CASD1: variants seen among roughly 807,000 people sequenced by gnomAD.
CASD1 encodes CAS1 domain sialic acid O acetyltransferase 1.
A neutral mutation model predicts 100.0 loss-of-function variants in CASD1; 41 were observed. The ratio of observed to expected loss-of-function variants is 0.41; its 90% CI spans 0.32 to 0.53. The LOEUF is 0.53. Among genes scored for constraint, CASD1 ranks in the 20% least tolerant of loss-of-function variants. The probability of loss-of-function intolerance (pLI) is 0.25; values close to 1 mark genes in which losing one functional copy is unlikely to be tolerated. For synonymous variants in CASD1, 321 were observed against 315.6 expected (o/e 1.02, Z -0.18); for missense variants, 774 against 948.7 (o/e 0.82, Z 2.42).
chr7:94,600,724 G>T, the CASD1 span: 6 of 1,613,828 alleles, frequency 3.7e-6, 1 homozygote, highest in Non-Finnish European at 5.1e-6. Context: ...CACAGCCAGT[G>T]TAATTAGGAA....
the CASD1 span, among the ~76,000 whole-genome samples, chr7:94,609,833 A>G: frequency 6.6e-6 from 1 of 152,314 alleles, no homozygotes; most frequent in Admixed American, 6.5e-5. Context: ...CTTTTACCAT[A>G]TGATCCAGCT....
At chr7:94,511,905 G>A (rs367981098) in intron 1 of CASD1, among the ~76,000 whole-genome samples, 24 of 152,234 alleles carry the variant, frequency 1.6e-4, no homozygotes, top group African/African-American at 5.8e-4. Context: ...TAGCAATCTG[G>A]GATTGTTTAT....
rs1339395996 is a variant in CASD1 at position 94,533,116 on chromosome 7, AC to A, written c.460-88del. The A allele has an allele frequency of 3.6e-6, 3 of 835,410 alleles. No homozygotes were observed. In the East Asian group the frequency reaches 7.9e-5, roughly 22 times the overall value. 51.7% of individuals were successfully genotyped at this position (835,410 alleles called of 1,614,324 possible). ...AGAATGAATTTAGAAGGAAGAACTT[AC>A]ATTTTAAGGAAAAAAATTAAATGAT... is the stretch of plus-strand genomic sequence containing the variant. On this transcript the variant is annotated intron_variant, in intron 5 of 17. Coordinates refer to ENST00000297273, the MANE Select transcript of CASD1 (RefSeq NM_022900.5).
chr7:94,537,578 C>T lies in CASD1; in HGVS notation c.950C>T (p.Ala317Val). Residue 317 changes from alanine (A) to valine (V), a missense_variant, in exon 9 of 18, where the codon GCT becomes GTT. This residue lies in a region of CASD1 where 453 missense variants were observed against 532.6 expected (regional missense o/e 0.85). Coordinates refer to ENST00000297273, the MANE Select transcript of CASD1 (RefSeq NM_022900.5). ...GTTACTCTCATACAGAAGCTAGCTG[C>T]TTGTTTTTTCACTTTATCTATTATC... Reference protein sequence around the residue: ...PPVTLIQKLAACFFTLSIIGY... With the variant: ...PPVTLIQKLAVCFFTLSIIGY... The T allele has an allele frequency of 6.2e-7, 1 of 1,613,816 alleles. No individual in the cohort carries two copies. Among genetic ancestry groups the T allele is most frequent in the Non-Finnish European group, 8.5e-7 (1 of 1,179,834 alleles).
chr7:94,611,546 T>C, the CASD1 span, among the ~76,000 whole-genome samples: 1 of 152,108 alleles, frequency 6.6e-6, no homozygotes, highest in Admixed American at 6.6e-5. Context: ...GTTGGGATAA[T>C]AACAACTTTC....
At chr7:94,543,331 T>C (rs1795510195) in intron 10 of CASD1, among the ~76,000 whole-genome samples, 1 of 152,154 alleles carries the variant, frequency 6.6e-6, no homozygotes, top group Non-Finnish European at 1.5e-5. Flanking sequence ...ATTACTGTAT[T>C]GAGCACCCAG....
At chr7:94,564,919 A>C in the CASD1 span, among the ~76,000 whole-genome samples, 1 of 152,210 alleles carries the variant, frequency 6.6e-6, no homozygotes, top group South Asian at 2.1e-4. Context: ...CTAACTCTTT[A>C]GGTAATGGGT....
At chr7:94,599,619 A>C in the CASD1 span, 80 of 1,071,688 alleles carry the variant, frequency 7.5e-5, no homozygotes, top group South Asian at 8.9e-4. Context: ...AAAGCTTGAC[A>C]CACATGTATG....
intron 8 of CASD1, among the ~76,000 whole-genome samples, chr7:94,536,512 G>A (rs982704677): frequency 6.6e-6 from 1 of 152,142 alleles, no homozygotes; most frequent in Non-Finnish European, 1.5e-5. Flanking sequence ...TTCTCCTGCA[G>A]AATAATGTGT....
intron 13 of CASD1, among the ~76,000 whole-genome samples, chr7:94,547,780 A>G (rs1389216644): frequency 1.3e-5 from 2 of 151,858 alleles, no homozygotes; most frequent in East Asian, 1.9e-4. Context: ...TTTGGGCAGC[A>G]TGATATTTAT....
the CASD1 span, among the ~76,000 whole-genome samples, chr7:94,574,110 TGC>T: frequency 6.6e-6 from 1 of 152,184 alleles, no homozygotes; most frequent in Non-Finnish European, 1.5e-5. Flanking sequence ...CTTTTTGATG[TGC>T]GCTGGATTCA....
At chr7:94,569,172 T>C in the CASD1 span, among the ~76,000 whole-genome samples, 5 of 152,154 alleles carry the variant, frequency 3.3e-5, no homozygotes, top group Non-Finnish European at 7.4e-5. Context: ...GATATACATA[T>C]TAAAAAATGC....
At chr7:94,608,658 C>T in the CASD1 span, among the ~76,000 whole-genome samples, 1 of 152,102 alleles carries the variant, frequency 6.6e-6, no homozygotes, top group African/African-American at 2.4e-5. Flanking sequence ...ACTGACACTA[C>T]CCAACATCAA....
chr7:94,611,298 A>G, the CASD1 span, among the ~76,000 whole-genome samples: 1 of 152,222 alleles, frequency 6.6e-6, no homozygotes. Flanking sequence ...CATAAAATAG[A>G]ATATTATTCC....
At chr7:94,600,635 A>C in the CASD1 span, 2 of 1,593,620 alleles carry the variant, frequency 1.3e-6, no homozygotes, top group Non-Finnish European at 1.7e-6. Flanking sequence ...TATTAGTTTT[A>C]AAGTACTCAC....
intron 5 of CASD1, among the ~76,000 whole-genome samples, chr7:94,529,951 T>C (rs913922597): frequency 6.6e-6 from 1 of 152,172 alleles, no homozygotes; most frequent in Non-Finnish European, 1.5e-5. Flanking sequence ...CAAATTTGAA[T>C]TGAGAGGACT....
the CASD1 span, among the ~76,000 whole-genome samples, chr7:94,572,331 C>T: frequency 6.6e-6 from 1 of 152,152 alleles, no homozygotes; most frequent in Non-Finnish European, 1.5e-5. Context: ...TGTAATTTCA[C>T]TTTCAACTTA....
At chr7:94,539,668 C>A (rs1028484340) in intron 10 of CASD1, among the ~76,000 whole-genome samples, 1,984 of 117,820 alleles carry the variant, frequency 0.017, no homozygotes, top group African/African-American at 0.032. Context: ...GACTCCGTCT[C>A]AAAAAAAAAA....
chr7:94,596,846 T>A, the CASD1 span, among the ~76,000 whole-genome samples: 2 of 152,146 alleles, frequency 1.3e-5, no homozygotes, highest in Non-Finnish European at 2.9e-5. Flanking sequence ...TTTTGAAGGA[T>A]ATCTGTCAAC....
Sources: gnomAD v4.1 joint callset for allele counts (sites outside exome capture counted in the v4.1 genomes callset) on GRCh38, gnomAD v4.1.1 for gene constraint, gnomAD v4.1.1 regional missense constraint, MANE v1.5 for transcripts, NCBI Gene and HGNC (gene_info 2026-07-23, HGNC 2026-07-21) for gene names.